PDE4DIP: variants seen among roughly 807,000 people sequenced by gnomAD.
PDE4DIP encodes the protein phosphodiesterase 4D interacting protein, also known as myomegalin.
In PDE4DIP, 59 loss-of-function variants were observed where a neutral mutation model predicts 221.4. That is an observed-to-expected ratio of 0.27 (90% CI 0.22 to 0.33). The LOEUF (loss-of-function observed/expected upper bound fraction) is 0.33, where lower values mean the gene tolerates loss of function less well. Ranked by LOEUF, PDE4DIP falls within the 10% of genes least tolerant of loss-of-function variation. The pLI, the probability that PDE4DIP is intolerant of heterozygous loss-of-function variation, is 1.00. For missense variants in PDE4DIP, 1,036 were observed against 2,154.2 expected (o/e 0.48, Z 10.28); for synonymous variants, 404 against 815.9 (o/e 0.50, Z 8.60).
intron 1 of PDE4DIP, among the ~76,000 whole-genome samples, chr1:148,897,864 T>G (rs1553443678): frequency 6.6e-6 from 1 of 150,980 alleles, no homozygotes; most frequent in South Asian, 2.1e-4. Flanking sequence ...GTGGAACTCT[T>G]AACCAAAGGC....
chr1:148,994,127 C>T (rs2762880), intron 22 of PDE4DIP, among the ~76,000 whole-genome samples: 1 of 93,286 alleles, frequency 1.1e-5, no homozygotes, highest in Admixed American at 1.3e-4. Context: ...GTTTTGGACT[C>T]AGCCACCTCA....
At chr1:149,004,354 A>G (rs1217300008) in intron 26 of PDE4DIP, among the ~76,000 whole-genome samples, 1 of 150,082 alleles carries the variant, frequency 6.7e-6, no homozygotes, top group East Asian at 2.0e-4. Context: ...CATTCTGACT[A>G]CCACTGCCCT....
intron 19 of PDE4DIP, 47 bp downstream of exon 22, chr1:148,978,462 G>A (rs782129360): frequency 1.6e-5 from 20 of 1,240,536 alleles, no homozygotes; most frequent in African/African-American, 1.4e-4. Context: ...ACATTTTTTT[G>A]TATTCTTTTT....
chr1:148,830,929 TG>T (rs1671897770), intron 1 of PDE4DIP, among the ~76,000 whole-genome samples: 1 of 146,370 alleles, frequency 6.8e-6, no homozygotes, highest in Non-Finnish European at 1.5e-5. Flanking sequence ...TATAATCCTT[TG>T]GGTATATACC....
At chr1:148,931,751 T>G (rs2798872) in intron 2 of PDE4DIP, 49 bp from the exon 6 acceptor site, 379 of 1,384,288 alleles carry the variant, frequency 2.7e-4, no homozygotes, top group Admixed American at 3.5e-4. Flanking sequence ...TGGTTCCACT[T>G]GCTAAACTGT....
intron 5 of PDE4DIP, among the ~76,000 whole-genome samples, chr1:148,946,635 A>G (rs1281558161): frequency 7.2e-6 from 1 of 137,970 alleles, no homozygotes; most frequent in Non-Finnish European, 1.6e-5. Context: ...GCTTAAATCC[A>G]TAACATTAAG....
At chr1:148,864,343 A>T (rs1419016620) in intron 2 of PDE4DIP, among the ~76,000 whole-genome samples, 2 of 139,544 alleles carry the variant, frequency 1.4e-5, no homozygotes, top group African/African-American at 5.6e-5. Context: ...TACAGAGGCT[A>T]TCAAGGAATA....
At chr1:148,981,459 G>A (rs1553543096) in intron 21 of PDE4DIP, 62 bp downstream of exon 24, 1 of 1,607,232 alleles carries the variant, frequency 6.2e-7, no homozygotes, top group East Asian at 2.2e-5. Context: ...TGGCGGGTCA[G>A]ACTGCAGCCC....
At position 148,978,839 on chromosome 1, in the gene PDE4DIP, A is replaced by C. The variant is rs1204568982; in HGVS notation, c.2574+424A>C. Among the ~76,000 whole-genome samples the C allele has an allele frequency of 4.6e-5, 7 of 152,188 alleles. No homozygotes were observed. In the East Asian group the frequency reaches 1.4e-3, roughly 29 times the overall value. On this transcript the variant is annotated intron_variant, in intron 19 of 43. Coordinates refer to ENST00000369354, the Ensembl canonical transcript of PDE4DIP. ...GTTAGTTGATGGTATTTCCTAGAGA[A>C]ACTGTGCTCTAAAATTTCCTACTTT...
Position 149,010,578 on chromosome 1 carries a change from C to T in PDE4DIP, c.5063C>T (p.Ala1688Val), listed in dbSNP as rs201992827. 3.5e-5 allele frequency: 56 copies of T among 1,614,082 alleles called. No homozygotes were observed. The East Asian group carries it at 1.2e-3, about 34-fold the overall frequency. ...ACTCCCCAGAATACCCCCAAGGAGG[C>T]CAACCAGGCCCATTCAGGTATGCAA... Residue 1688 changes from alanine (A) to valine (V), a missense_variant, in exon 31 of 44, where the codon GCC becomes GTC. Transcript: ENST00000369354.
intron 37 of PDE4DIP, among the ~76,000 whole-genome samples, chr1:149,022,987 G>T (rs1398672353): frequency 2.0e-5 from 3 of 152,292 alleles, no homozygotes; most frequent in Admixed American, 2.0e-4. Flanking sequence ...TTAGTGAGAA[G>T]TTGGGTTGAG....
intron 22 of PDE4DIP, 72 bp from the exon 26 acceptor site, chr1:148,998,071 C>A (rs2064725090): frequency 7.3e-6 from 6 of 817,532 alleles, no homozygotes; most frequent in Non-Finnish European, 1.2e-5. Context: ...TTTAAAACTG[C>A]CTTTGCAATC....
At chr1:148,975,395 G>T (rs1213733075) in intron 17 of PDE4DIP, among the ~76,000 whole-genome samples, 1 of 147,684 alleles carries the variant, frequency 6.8e-6, no homozygotes, top group Admixed American at 6.7e-5. Flanking sequence ...AAAGTAAGTG[G>T]TGTCGGCCCA....
chr1:148,860,091 C>T (rs111604283), intron 1 of PDE4DIP, among the ~76,000 whole-genome samples: 1 of 22,958 alleles, frequency 4.4e-5, no homozygotes, highest in Non-Finnish European at 9.4e-5. Flanking sequence ...TTAAAAATCT[C>T]CTGAGACACT....
chr1:148,859,828 G>A (rs1471624736), intron 1 of PDE4DIP, among the ~76,000 whole-genome samples: 2,697 of 106,922 alleles, frequency 0.025, 1 homozygote, highest in South Asian at 0.047. Flanking sequence ...GTGTGTGTGT[G>A]TATGTGTGTG....
At chr1:149,032,335 C>T (rs1420150466) in exon 44 of PDE4DIP, 7 of 567,654 alleles carry the variant, frequency 1.2e-5, no homozygotes, top group Non-Finnish European at 2.2e-5. Flanking sequence ...CTTGCCTCAT[C>T]AGCTGTCCTG....
chr1:148,963,777 A>G (rs1407762747), intron 9 of PDE4DIP, among the ~76,000 whole-genome samples: 5 of 77,718 alleles, frequency 6.4e-5, no homozygotes, highest in Admixed American at 2.0e-4. Flanking sequence ...TTTTTGAGAC[A>G]GAGTCTCGCT....
intron 21 of PDE4DIP, chr1:148,981,723 C>T (rs1482983327): frequency 7.0e-6 from 2 of 284,148 alleles, no homozygotes; most frequent in Non-Finnish European, 7.0e-6. Context: ...TATCCCTAGC[C>T]CCTTCTCGTT....
intron 1 of PDE4DIP, among the ~76,000 whole-genome samples, chr1:148,824,184 T>A (rs1457357717): frequency 6.9e-6 from 1 of 144,462 alleles, no homozygotes; most frequent in Non-Finnish European, 1.5e-5. Context: ...TGCCTCAAGT[T>A]CTCTCATGAG....
Sources: allele counts gnomAD v4.1 joint callset (sites outside exome capture counted in the v4.1 genomes callset), GRCh38; gene constraint gnomAD v4.1.1; transcripts MANE v1.5; gene names NCBI Gene and HGNC (gene_info 2026-07-23, HGNC 2026-07-21).